CMC4: variants seen among roughly 807,000 people sequenced by gnomAD.
CMC4 encodes cx9C motif-containing protein 4.
Under a neutral mutation model 5.1 loss-of-function variants are expected in CMC4, and 4 were observed. The observed-to-expected ratio is 0.78, with a 90% CI of 0.38 to 1.78. CMC4 has a LOEUF of 1.78. Ranked by LOEUF, CMC4 falls within the 40% of genes most tolerant of loss-of-function variation. The probability of loss-of-function intolerance (pLI) is 0.04; values close to 1 mark genes in which losing one functional copy is unlikely to be tolerated. For missense variants in CMC4, 52 were observed against 51.3 expected (o/e 1.01, Z -0.04); for synonymous variants, 23 against 18.9 (o/e 1.22, Z -0.57).
chrX:155,069,523 T>G (rs1207938762), intron 1 of CMC4, among the ~76,000 whole-genome samples: 1 of 112,223 alleles, frequency 8.9e-6, no homozygotes, highest in Non-Finnish European at 1.9e-5. Context: ...TAGGGCGCTA[T>G]GAGGTGGGCA....
At chrX:155,066,482 G>A (rs188929387) in intron 1 of CMC4, among the ~76,000 whole-genome samples, 1 of 112,526 alleles carries the variant, frequency 8.9e-6, no homozygotes, top group Non-Finnish European at 1.9e-5. Flanking sequence ...TATTCCCCAG[G>A]TAAAAGCCAC....
intron 1 of CMC4, among the ~76,000 whole-genome samples, chrX:155,067,795 T>C (rs781900047): frequency 1.4e-4 from 16 of 112,284 alleles, no homozygotes; most frequent in African/African-American, 4.2e-4. Flanking sequence ...AATGTTTCAG[T>C]GAACAGGTGT....
chrX:155,065,968 C>T (rs1557291986), intron 1 of CMC4: 1 of 1,211,816 alleles, frequency 8.3e-7, no homozygotes, highest in Non-Finnish European at 1.1e-6. Flanking sequence ...TCTTGGTGAA[C>T]CCAGAGGTGA....
rs1252198214 is a variant in CMC4 at position 155,071,067 on chromosome X, G to A, written c.-384C>T. Reference sequence around the variant, plus strand: ...TAGGCCGCGCACGGGTCTCCTTAGCGGGCGGGCAAAATGGGCGCCGGTACT... The same window carrying A: ...TAGGCCGCGCACGGGTCTCCTTAGCAGGCGGGCAAAATGGGCGCCGGTACT... On this transcript the variant is annotated 5_prime_UTR_variant, in exon 1 of 3. Coordinates refer to ENST00000369484, the MANE Select transcript of CMC4 (RefSeq NM_001018024.3). 1 of 112,065 alleles carries A rather than the reference G, an allele frequency of 8.9e-6. No homozygotes were observed. The highest frequency in any genetic ancestry group is 1.9e-5 in the Non-Finnish European group (1 of 52,816). The allele number at this position is 112,065 out of a possible 1,213,427, so 9.2% of individuals were successfully genotyped here. A position where few individuals can be genotyped will look rare whatever the true frequency, so the allele number is the denominator to read the frequency against.
At chrX:155,070,009 G>T (rs1323496365) in intron 1 of CMC4, among the ~76,000 whole-genome samples, 2 of 112,108 alleles carry the variant, frequency 1.8e-5, no homozygotes, top group African/African-American at 6.5e-5. Context: ...CAGGTCCAAT[G>T]TAACTGCACA....
chrX:155,065,576 G>C (rs372751304), intron 1 of CMC4: 10 of 1,205,175 alleles, frequency 8.3e-6, no homozygotes, highest in Non-Finnish European at 1.0e-5. Context: ...ACTCTGTTAC[G>C]AGAGTCCCAG....
At chrX:155,067,450 ACTG>A (rs1557292093) in intron 1 of CMC4, among the ~76,000 whole-genome samples, 1 of 111,269 alleles carries the variant, frequency 9.0e-6, no homozygotes, top group Non-Finnish European at 1.9e-5. Context: ...TACAACTACC[ACTG>A]CAGTTGAGAC....
rs1483869115 is a variant in CMC4 at position 155,061,802 on chromosome X, A to G, written c.*41T>C. On this transcript the variant is annotated 3_prime_UTR_variant, in exon 3 of 3. Transcript: ENST00000369484. ...CTGAAGAGTCAGGAGGATAAAAAAA[A>G]TTCATTTGGTGGAAACATGGAGCAG... is the stretch of plus-strand genomic sequence containing the variant. 1 of 1,190,884 alleles carries G rather than the reference A, an allele frequency of 8.4e-7. No homozygotes were observed. Among genetic ancestry groups the G allele is most frequent in the Admixed American group, 2.3e-5 (1 of 43,606 alleles).
At chrX:155,065,424 A>T in intron 1 of CMC4, 1 of 1,036,792 alleles carries the variant, frequency 9.6e-7, no homozygotes, top group Non-Finnish European at 1.4e-6. Flanking sequence ...CATTAAAATC[A>T]CCACAACTGA....
At chrX:155,064,178 T>G in intron 1 of CMC4, 145 bp from the exon 2 acceptor site, 1 of 363,654 alleles carries the variant, frequency 2.7e-6, no homozygotes, top group Non-Finnish European at 4.8e-6. Context: ...TTCCCAAACA[T>G]AGGATGAATC....
In CMC4 at chrX:155,070,811, C is replaced by A. The variant is rs2073970778; in HGVS notation, c.-128G>T. Reference sequence around the variant, plus strand: ...ATCGCGACGTGAGCCCGGGGTGAGCCGAGGGGCATCCCGGGCCGAGGTCAC... The same window carrying A: ...ATCGCGACGTGAGCCCGGGGTGAGCAGAGGGGCATCCCGGGCCGAGGTCAC... On this transcript the variant is annotated 5_prime_UTR_variant, in exon 1 of 3. Transcript: ENST00000369484. 1 of 112,576 alleles carries A rather than the reference C, an allele frequency of 8.9e-6. No homozygotes were observed. The highest frequency in any genetic ancestry group is 3.6e-4 in the South Asian group (1 of 2,746). The allele number at this position is 112,576 out of a possible 1,213,427, so 9.3% of individuals were successfully genotyped here.
chrX:155,065,207 T>C (rs963210484), intron 1 of CMC4: 21 of 354,215 alleles, frequency 5.9e-5, no homozygotes, highest in Admixed American at 3.6e-4. Flanking sequence ...ACTTGCTTTC[T>C]GCCTACGTAA....
chrX:155,065,784 C>A (rs782118865), intron 1 of CMC4: 4 of 1,209,847 alleles, frequency 3.3e-6, no homozygotes, highest in Non-Finnish European at 4.5e-6. Context: ...TTAGGAAACT[C>A]GTCTCCTAAT....
At position 155,066,915 on chromosome X, in the gene CMC4, G is replaced by C. The variant is rs2073950255; in HGVS notation, c.-10-2882C>G. Among the ~76,000 whole-genome samples, 2 of 111,992 alleles carry C rather than the reference G, an allele frequency of 1.8e-5. 1 individual carries two copies. The highest frequency in any genetic ancestry group is 1.9e-4 in the Admixed American group (2 of 10,577). ...ACCTCCCAAAGCATTTGAGTGGTAG[G>C]GCAAACTCTATAACGATCCTCTGCC... On this transcript the variant is annotated intron_variant, in intron 1 of 2. Transcript: ENST00000369484.
intron 2 of CMC4, 123 bp from the exon 3 acceptor site, chrX:155,062,114 T>C (rs1162174677): frequency 6.0e-6 from 4 of 664,816 alleles, no homozygotes; most frequent in Non-Finnish European, 8.4e-6. Flanking sequence ...AAAGAAGATA[T>C]ACCAAAGTCC....
At chrX:155,065,784 C>T (rs782118865) in intron 1 of CMC4, 4 of 1,209,847 alleles carry the variant, frequency 3.3e-6, no homozygotes, top group Non-Finnish European at 3.4e-6. Flanking sequence ...TTAGGAAACT[C>T]GTCTCCTAAT....
intron 1 of CMC4, chrX:155,065,736 G>A (rs782069134): frequency 1.7e-6 from 2 of 1,211,244 alleles, no homozygotes; most frequent in East Asian, 5.9e-5. Flanking sequence ...GCCTAGCTGC[G>A]TCACCTAAGG....
chrX:155,061,695 T>C lies in CMC4; in HGVS notation c.*148A>G. 1.7e-6 allele frequency: 1 copy of C among 580,778 alleles called. No homozygotes were observed. Among genetic ancestry groups the C allele is most frequent in the East Asian group, 3.6e-5 (1 of 28,118 alleles). The allele number at this position is 580,778 out of a possible 1,213,427, so 47.9% of individuals were successfully genotyped here. A position where few individuals can be genotyped will look rare whatever the true frequency, so the allele number is the denominator to read the frequency against. ...ACATATTTGTCTTTTAATGTGTTTA[T>C]ATTTCTGCCTGTTCTGCATAGATGG... On this transcript the variant is annotated 3_prime_UTR_variant, in exon 3 of 3. Transcript: ENST00000369484.
intron 1 of CMC4, among the ~76,000 whole-genome samples, chrX:155,068,903 C>G (rs1264664163): frequency 8.9e-6 from 1 of 112,197 alleles, no homozygotes; most frequent in Non-Finnish European, 1.9e-5. Context: ...TAAACTTGTG[C>G]AACTCAACTC....
Sources: allele counts gnomAD v4.1 joint callset (sites outside exome capture counted in the v4.1 genomes callset), GRCh38; gene constraint gnomAD v4.1.1; transcripts MANE v1.5; gene names NCBI Gene and HGNC (gene_info 2026-07-23, HGNC 2026-07-21).